TTLL5: variants seen among roughly 807,000 people sequenced by gnomAD.
TTLL5 encodes tubulin tyrosine ligase like 5.
TTLL5 carries 132 observed loss-of-function variants against 168.4 expected under a neutral mutation model. The observed-to-expected ratio is 0.78, with a 90% CI of 0.68 to 0.91. TTLL5 has a LOEUF of 0.91. TTLL5 is among the 40% of genes least tolerant of loss of function. The probability of loss-of-function intolerance (pLI) is 0.00; values close to 1 mark genes in which losing one functional copy is unlikely to be tolerated. For synonymous variants in TTLL5, 546 were observed against 558.6 expected, an observed-to-expected ratio of 0.98 and a Z score of 0.32; for missense variants, 1,545 against 1,581.5, an observed-to-expected ratio of 0.98 and a Z score of 0.39.
chr14:75,701,283 T>C (rs1421764377), intron 7 of TTLL5, among the ~76,000 whole-genome samples: 1 of 152,208 alleles, frequency 6.6e-6, no homozygotes, highest in African/African-American at 2.4e-5. Flanking sequence ...TTCTGTCCTT[T>C]AATTTTATTG....
intron 28 of TTLL5, among the ~76,000 whole-genome samples, chr14:75,852,694 T>G (rs1021779754): frequency 2.6e-5 from 4 of 152,196 alleles, no homozygotes; most frequent in African/African-American, 9.6e-5. Context: ...TATTATAATT[T>G]TTAGAGATCA....
At chr14:75,866,414 G>T (rs1190473825) in intron 29 of TTLL5, among the ~76,000 whole-genome samples, 2 of 151,688 alleles carry the variant, frequency 1.3e-5, no homozygotes, top group African/African-American at 2.4e-5. Flanking sequence ...TCACAGTGTG[G>T]TTAACTGCCT....
intron 22 of TTLL5, among the ~76,000 whole-genome samples, chr14:75,776,095 T>C (rs1468883742): frequency 6.6e-6 from 1 of 152,224 alleles, no homozygotes; most frequent in Non-Finnish European, 1.5e-5. Context: ...TTAATTAGAA[T>C]ATTTTGCAAA....
chr14:75,756,382 T>C (rs1890263048), intron 18 of TTLL5, among the ~76,000 whole-genome samples: 1 of 152,166 alleles, frequency 6.6e-6, no homozygotes, highest in Non-Finnish European at 1.5e-5. Flanking sequence ...AAGGGCAACA[T>C]AGGGGATCTT....
chr14:75,704,445 A>C (rs1886502399), intron 7 of TTLL5, among the ~76,000 whole-genome samples: 1 of 152,166 alleles, frequency 6.6e-6, no homozygotes, highest in South Asian at 2.1e-4. Flanking sequence ...AGGCTGAGGC[A>C]GGGCAGTTGC....
chr14:75,891,940 AAT>A (rs2140055941), intron 30 of TTLL5, among the ~76,000 whole-genome samples: 1 of 152,300 alleles, frequency 6.6e-6, no homozygotes, highest in East Asian at 1.9e-4. Context: ...TATTGCATCC[AAT>A]GTCTGCTGGT....
chr14:75,928,923 G>A (rs1566665058), intron 31 of TTLL5, among the ~76,000 whole-genome samples: 2 of 152,130 alleles, frequency 1.3e-5, no homozygotes, highest in South Asian at 4.1e-4. Flanking sequence ...TCTGTTCCAG[G>A]AATTATCCTC....
At chr14:75,935,896 T>TAGATG (rs2034420536) in intron 31 of TTLL5, among the ~76,000 whole-genome samples, 1 of 152,240 alleles carries the variant, frequency 6.6e-6, no homozygotes, top group African/African-American at 2.4e-5. Flanking sequence ...TTTGTATTTT[T>TAGATG]TTTTTAATCA....
chr14:75,860,190 A>T (rs919226372), intron 28 of TTLL5, among the ~76,000 whole-genome samples: 3 of 152,118 alleles, frequency 2.0e-5, no homozygotes, highest in African/African-American at 7.2e-5. Flanking sequence ...TCCTTATTTG[A>T]TCTTCTCTTG....
At chr14:75,803,400 G>A (rs181915220) in intron 27 of TTLL5, 2 of 152,354 alleles carry the variant, frequency 1.3e-5, no homozygotes, top group African/African-American at 4.8e-5. Flanking sequence ...TACTCCTGCT[G>A]TGATTTAACT....
At chr14:75,807,478 T>G (rs1399019947) in intron 27 of TTLL5, among the ~76,000 whole-genome samples, 2 of 152,214 alleles carry the variant, frequency 1.3e-5, no homozygotes, top group Non-Finnish European at 2.9e-5. Context: ...ATACCTGCCC[T>G]TCATAATTAA....
In TTLL5 at chr14:75,764,737, G is replaced by C. The variant is rs771095455; in HGVS notation, c.1673G>C (p.Ser558Thr). 1 of 1,614,154 alleles carries C rather than the reference G, an allele frequency of 6.2e-7. No individual in the cohort carries two copies. The highest frequency in any genetic ancestry group is 1.3e-5 in the African/African-American group (1 of 75,058). Reference protein sequence around the residue: ...SLEVRKRRRRSSRLRAMRPKY... With the variant: ...SLEVRKRRRRTSRLRAMRPKY... ...GAGGTGCGAAAACGTAGACGACGGA[G>C]TAGCAGATTGAGGGCAATGAGGCCA... Residue 558 changes from serine (S) to threonine (T), a missense_variant, in exon 19 of 32, where the codon AGT becomes ACT. Ser to Thr is a moderately conservative substitution (Grantham distance 58). Transcript: ENST00000298832.
intron 17 of TTLL5, among the ~76,000 whole-genome samples, chr14:75,750,214 G>A (rs1889861916): frequency 1.3e-5 from 2 of 151,838 alleles, no homozygotes; most frequent in South Asian, 4.2e-4. Flanking sequence ...AGGTCCTTAG[G>A]CATACAGTAA....
intron 12 of TTLL5, among the ~76,000 whole-genome samples, chr14:75,723,015 G>C (rs1422933151): frequency 1.3e-5 from 2 of 152,138 alleles, no homozygotes; most frequent in Non-Finnish European, 2.9e-5. Flanking sequence ...AATAGTATCT[G>C]TATGTTGTCT....
At chr14:75,710,180 T>G (rs1021169806) in intron 9 of TTLL5, 1 of 152,150 alleles carries the variant, frequency 6.6e-6, no homozygotes, top group African/African-American at 2.4e-5. Context: ...TCCAAAGATA[T>G]TTTCACCTAC....
At chr14:75,829,652 G>A (rs955908034) in intron 28 of TTLL5, among the ~76,000 whole-genome samples, 1 of 151,202 alleles carries the variant, frequency 6.6e-6, no homozygotes, top group African/African-American at 2.4e-5. Context: ...AGATACTAAA[G>A]ACTTGGGTGA....
Position 75,683,888 on chromosome 14 carries a change from C to T in TTLL5, c.371+232C>T, listed in dbSNP as rs192606927. The T allele has an allele frequency of 1.2e-3, 454 of 372,988 alleles. 1 individual carries two copies. The highest frequency in any genetic ancestry group is 2.0e-3 in the Non-Finnish European group (384 of 196,252). The allele number at this position is 372,988 out of a possible 1,614,324, so 23.1% of individuals were successfully genotyped here. On this transcript the variant is annotated intron_variant, in intron 5 of 31. Coordinates refer to ENST00000298832, the MANE Select transcript of TTLL5 (RefSeq NM_015072.5). ...TCCTGAGTTCAAGCAATTCTCCTGCCTCAGCCTACCCAGTAGCTGGGAATA... is the reference window on the plus strand; with the variant it reads ...TCCTGAGTTCAAGCAATTCTCCTGCTTCAGCCTACCCAGTAGCTGGGAATA...
In TTLL5 at chr14:75,700,843, C is replaced by T. The variant is rs573351426; in HGVS notation, c.585+1573C>T. On this transcript the variant is annotated intron_variant, in intron 7 of 31. Coordinates refer to ENST00000298832, the MANE Select transcript of TTLL5 (RefSeq NM_015072.5). ...CCCACCCATATGGATTTGCTGCTGC[C>T]GCTGACAGACTTTGGGATTCTGAAA... is the stretch of plus-strand genomic sequence containing the variant. 3.3e-5 allele frequency among the ~76,000 whole-genome samples: 5 copies of T among 152,172 alleles called. No homozygotes were observed. In the East Asian group the frequency reaches 5.8e-4, roughly 18 times the overall value.
At position 75,844,491 on chromosome 14, in the gene TTLL5, A is replaced by G. The variant is rs1437226581; in HGVS notation, c.3327-19176A>G. On this transcript the variant is annotated intron_variant, in intron 28 of 31. Transcript: ENST00000298832. ...TTATGATTTTCTGTTTCTCATTATA[A>G]TTGTGGAGACATCAAGACTTAGGTT... is the stretch of plus-strand genomic sequence containing the variant. 2.0e-5 allele frequency among the ~76,000 whole-genome samples: 3 copies of G among 152,202 alleles called. No individual in the cohort carries two copies. The East Asian group carries it at 5.8e-4, about 29-fold the overall frequency.
Sources: gnomAD v4.1 joint callset for allele counts (sites outside exome capture counted in the v4.1 genomes callset) on GRCh38, gnomAD v4.1.1 for gene constraint, MANE v1.5 for transcripts, NCBI Gene and HGNC (gene_info 2026-07-23, HGNC 2026-07-21) for gene names.